ADCY1: variants seen among roughly 807,000 people sequenced by gnomAD.
The protein encoded by ADCY1 is adenylate cyclase type 1.
ADCY1 carries 28 observed loss-of-function variants against 105.4 expected under a neutral mutation model. That is an observed-to-expected ratio of 0.27 (90% CI 0.20 to 0.36). The LOEUF (loss-of-function observed/expected upper bound fraction) is 0.36. Among genes scored for constraint, ADCY1 ranks in the 10% least tolerant of loss-of-function variants. The probability of loss-of-function intolerance (pLI) is 1.00; values close to 1 mark genes in which losing one functional copy is unlikely to be tolerated. For missense variants in ADCY1, 977 were observed against 1,434.2 expected (o/e 0.68, Z 5.15); for synonymous variants, 655 against 623.8 (o/e 1.05, Z -0.75).
intron 2 of ADCY1, among the ~76,000 whole-genome samples, chr7:45,593,786 A>G (rs974540250): frequency 7.2e-5 from 11 of 152,242 alleles, no homozygotes; most frequent in Admixed American, 6.5e-4. Context: ...ACTCACAAAC[A>G]CATTTCATGT....
intron 4 of ADCY1, among the ~76,000 whole-genome samples, chr7:45,645,407 T>A (rs1023161800): frequency 6.6e-6 from 1 of 152,010 alleles, no homozygotes; most frequent in African/African-American, 2.4e-5. Context: ...CCATGCCAAG[T>A]CTTGGTGTCA....
At chr7:45,580,810 G>T (rs1180768760) in intron 1 of ADCY1, among the ~76,000 whole-genome samples, 2 of 152,200 alleles carry the variant, frequency 1.3e-5, no homozygotes, top group Non-Finnish European at 2.9e-5. Flanking sequence ...TGGGGGCTGT[G>T]TGAGGACCTG....
At chr7:45,601,214 G>A (rs1020556137) in intron 2 of ADCY1, among the ~76,000 whole-genome samples, 1 of 152,130 alleles carries the variant, frequency 6.6e-6, no homozygotes, top group Non-Finnish European at 1.5e-5. Context: ...CTGGGCTGGG[G>A]GGACGGTCCC....
chr7:45,684,887 A>G, intron 11 of ADCY1, 92 bp from the exon 12 acceptor site: 2 of 1,158,258 alleles, frequency 1.7e-6, no homozygotes, highest in Non-Finnish European at 2.6e-6. Context: ...CTTGCAGGTC[A>G]TCTGCACATT....
Position 45,714,967 on chromosome 7 carries a change from GC to G in ADCY1, c.*973del, listed in dbSNP as rs1324298713. 1 of 152,246 alleles carries G rather than the reference GC, an allele frequency of 6.6e-6. No individual in the cohort carries two copies. The highest frequency in any genetic ancestry group is 1.5e-5 in the Non-Finnish European group (1 of 68,050). The allele number at this position is 152,246 out of a possible 1,614,324, so 9.4% of individuals were successfully genotyped here. On this transcript the variant is annotated 3_prime_UTR_variant, in exon 20 of 20. Coordinates refer to ENST00000297323, the MANE Select transcript of ADCY1 (RefSeq NM_021116.4). Reference sequence around the variant, plus strand: ...ATATGAGCGGCTGTCACACCCATGAGCAAGTTTCCTTGATGGAAGATGCTGT... The same window carrying G: ...ATATGAGCGGCTGTCACACCCATGAGAAGTTTCCTTGATGGAAGATGCTGT...
At chr7:45,628,340 GT>G in intron 4 of ADCY1, among the ~76,000 whole-genome samples, 1 of 152,202 alleles carries the variant, frequency 6.6e-6, no homozygotes, top group East Asian at 1.9e-4. Flanking sequence ...GAAGACCTCG[GT>G]TTCCGCCATC....
chr7:45,618,216 A>G (rs556587780), intron 3 of ADCY1, among the ~76,000 whole-genome samples: 40 of 152,238 alleles, frequency 2.6e-4, no homozygotes, highest in Admixed American at 5.2e-4. Context: ...CTTACCATAC[A>G]CAAAAATAAA....
At chr7:45,630,613 C>T (rs1287312807) in intron 4 of ADCY1, among the ~76,000 whole-genome samples, 2 of 152,142 alleles carry the variant, frequency 1.3e-5, no homozygotes, top group Admixed American at 1.3e-4. Context: ...GTGTGTTCCT[C>T]TTCATTCTTC....
chr7:45,630,264 A>T (rs1794200972), intron 4 of ADCY1, among the ~76,000 whole-genome samples: 1 of 152,152 alleles, frequency 6.6e-6, no homozygotes, highest in South Asian at 2.1e-4. Flanking sequence ...TTTAGTGTTT[A>T]TGAAGTCCAG....
At chr7:45,619,736 A>G (rs1793840643) in intron 3 of ADCY1, among the ~76,000 whole-genome samples, 1 of 151,902 alleles carries the variant, frequency 6.6e-6, no homozygotes. Context: ...AGGCAGAGGA[A>G]AATGGGGTGA....
intron 4 of ADCY1, among the ~76,000 whole-genome samples, chr7:45,636,806 GCT>G (rs1396573416): frequency 2.0e-5 from 3 of 152,222 alleles, no homozygotes; most frequent in African/African-American, 7.2e-5. Flanking sequence ...CTCCCAAAGT[GCT>G]GGGATTACAG....
At position 45,591,543 on chromosome 7, in the gene ADCY1, C is replaced by CT. The variant is rs1792917262; in HGVS notation, c.640-1215dup. On this transcript the variant is annotated intron_variant, in intron 1 of 19. Transcript: ENST00000297323. This position sits in a 1 kb window ranked among gnomAD's most constrained non-coding sequence, Gnocchi z 4.1. ...GCCGGAGCCTGCAGGTTTCTGCTCC[C>CT]TGGGAGACAGGTAGAAATGCCTGGG... Among the ~76,000 whole-genome samples the CT allele has an allele frequency of 6.6e-6, 1 of 152,242 alleles. No homozygotes were observed. Among genetic ancestry groups the CT allele is most frequent in the Non-Finnish European group, 1.5e-5 (1 of 68,042 alleles).
rs189497680 is a variant in ADCY1 at position 45,688,095 on chromosome 7, A to T, written c.2454+1422A>T. 2.6e-5 allele frequency among the ~76,000 whole-genome samples: 4 copies of T among 152,328 alleles called. 1 individual carries two copies. The highest frequency in any genetic ancestry group is 9.6e-5 in the African/African-American group (4 of 41,576). ...AGGCTGACTGGGCATCAAGCCATGCAGTTAAGTGACCGAAACCCTGGTCAG... is the reference window on the plus strand; with the variant it reads ...AGGCTGACTGGGCATCAAGCCATGCTGTTAAGTGACCGAAACCCTGGTCAG... On this transcript the variant is annotated intron_variant, in intron 14 of 19. Coordinates refer to ENST00000297323, the MANE Select transcript of ADCY1 (RefSeq NM_021116.4).
chr7:45,672,565 A>G (rs188106759), intron 8 of ADCY1, among the ~76,000 whole-genome samples: 4 of 151,716 alleles, frequency 2.6e-5, no homozygotes, highest in Admixed American at 2.0e-4. Flanking sequence ...TATTTTTCTC[A>G]GTGATTATAA....
intron 1 of ADCY1, among the ~76,000 whole-genome samples, chr7:45,577,498 C>T (rs1007393996): frequency 6.6e-6 from 1 of 152,194 alleles, no homozygotes; most frequent in African/African-American, 2.4e-5. Flanking sequence ...GAAGACAGCA[C>T]ACGCATTTAC....
At position 45,641,568 on chromosome 7, in the gene ADCY1, C is replaced by T. The variant is rs1794524467; in HGVS notation, c.1021-7102C>T. ...CCACGATACCATTATCATACCCAACCAAACTGATGAAAGTTACATCATCTC... is the reference window on the plus strand; with the variant it reads ...CCACGATACCATTATCATACCCAACTAAACTGATGAAAGTTACATCATCTC... On this transcript the variant is annotated intron_variant, in intron 4 of 19. Transcript: ENST00000297323. Among the ~76,000 whole-genome samples the T allele has an allele frequency of 2.0e-5, 3 of 152,148 alleles. No homozygotes were observed. In the South Asian group the frequency reaches 6.2e-4, roughly 32 times the overall value.
chr7:45,641,039 T>G (rs1794513715), intron 4 of ADCY1, among the ~76,000 whole-genome samples: 1 of 152,180 alleles, frequency 6.6e-6, no homozygotes, highest in Non-Finnish European at 1.5e-5. Context: ...TCATTATTTT[T>G]CATTTATTTT....
chr7:45,631,692 C>T (rs779434784), intron 4 of ADCY1, among the ~76,000 whole-genome samples: 4 of 152,150 alleles, frequency 2.6e-5, no homozygotes, highest in African/African-American at 4.8e-5. Context: ...AATTTTTGTG[C>T]GCATGTGAAT....
chr7:45,652,465 C>T (rs1362816308), intron 5 of ADCY1, among the ~76,000 whole-genome samples: 1 of 152,188 alleles, frequency 6.6e-6, no homozygotes, highest in Non-Finnish European at 1.5e-5. Flanking sequence ...AAGCATGCAG[C>T]CAGAGCTGGG....
Sources: allele counts gnomAD v4.1 joint callset (sites outside exome capture counted in the v4.1 genomes callset), GRCh38; gene constraint gnomAD v4.1.1; non-coding constraint Gnocchi (gnomAD v3.1); transcripts MANE v1.5; gene names NCBI Gene and HGNC (gene_info 2026-07-23, HGNC 2026-07-21).